KMT2C: variants seen among roughly 807,000 people sequenced by gnomAD.
KMT2C encodes the protein histone-lysine N-methyltransferase 2C.
A neutral mutation model predicts 507.9 loss-of-function variants in KMT2C; 88 were observed. The ratio of observed to expected loss-of-function variants is 0.17; its 90% CI spans 0.15 to 0.21. The LOEUF is 0.21. KMT2C is among the 10% of genes least tolerant of loss of function. The pLI is 1.00. For missense variants in KMT2C, 4,954 were observed against 5,957.8 expected (o/e 0.83, Z 5.55); for synonymous variants, 2,049 against 2,080.8 (o/e 0.98, Z 0.42).
chr7:152,316,338 C>T (rs1224328962), intron 3 of KMT2C, among the ~76,000 whole-genome samples: 1 of 152,058 alleles, frequency 6.6e-6, no homozygotes, highest in African/African-American at 2.4e-5. Context: ...ATGAGGGAAA[C>T]TGCTGGGGGT....
intron 1 of KMT2C, among the ~76,000 whole-genome samples, chr7:152,416,892 T>C (rs953328770): frequency 7.0e-6 from 1 of 142,806 alleles, no homozygotes; most frequent in Non-Finnish European, 1.5e-5. Context: ...TCTACTAAAA[T>C]CAAAAAATTA....
At chr7:152,320,342 G>C (rs2096762122) in intron 3 of KMT2C, among the ~76,000 whole-genome samples, 1 of 152,084 alleles carries the variant, frequency 6.6e-6, no homozygotes, top group African/African-American at 2.4e-5. Flanking sequence ...TCCACCTCCT[G>C]GGTTCAAGCA....
intron 1 of KMT2C, among the ~76,000 whole-genome samples, chr7:152,393,017 A>G (rs1282641583): frequency 1.3e-5 from 2 of 152,108 alleles, no homozygotes; most frequent in Admixed American, 1.3e-4. Context: ...GGATTACTTG[A>G]GCCAGGGAGG....
chr7:152,193,118 G>C (rs986830148), intron 31 of KMT2C, among the ~76,000 whole-genome samples: 1 of 152,192 alleles, frequency 6.6e-6, no homozygotes, highest in Non-Finnish European at 1.5e-5. Context: ...CGCAGCTGAC[G>C]TGAGTTGTGT....
chr7:152,418,479 G>A (rs561020599), intron 1 of KMT2C, among the ~76,000 whole-genome samples: 5 of 152,202 alleles, frequency 3.3e-5, no homozygotes, highest in Admixed American at 1.3e-4. Context: ...CGCCCAGGCT[G>A]GAGTGCAATG....
intron 1 of KMT2C, among the ~76,000 whole-genome samples, chr7:152,421,902 G>GA (rs1202950201): frequency 3.3e-5 from 5 of 150,902 alleles, no homozygotes; most frequent in East Asian, 1.9e-4. Flanking sequence ...AAGCTGGAAG[G>GA]AAAAAAAACA....
chr7:152,239,351 T>C (rs2095341912), intron 14 of KMT2C, among the ~76,000 whole-genome samples: 1 of 152,148 alleles, frequency 6.6e-6, no homozygotes, highest in East Asian at 1.9e-4. Flanking sequence ...CGTTAAACTG[T>C]AGAGAGCTGG....
At chr7:152,293,279 G>A (rs1007969570) in intron 6 of KMT2C, among the ~76,000 whole-genome samples, 1 of 151,984 alleles carries the variant, frequency 6.6e-6, no homozygotes, top group Non-Finnish European at 1.5e-5. Context: ...AATGATACTG[G>A]ACCCCTTATA....
intron 23 of KMT2C, among the ~76,000 whole-genome samples, chr7:152,219,538 G>A (rs2129145010): frequency 6.6e-6 from 1 of 151,406 alleles, no homozygotes; most frequent in South Asian, 2.1e-4. Flanking sequence ...TTGAGCCCAG[G>A]AGTTGGAAAC....
rs2097528438 is a variant in KMT2C at position 152,395,039 on chromosome 7, A to ATAT, written c.162-36365_162-36364insATA. Among the ~76,000 whole-genome samples the ATAT allele has an allele frequency of 2.0e-5, 3 of 152,220 alleles. No individual in the cohort carries two copies. The South Asian group carries it at 6.2e-4, about 31-fold the overall frequency. On this transcript the variant is annotated intron_variant, in intron 1 of 58. Coordinates refer to ENST00000262189, the MANE Select transcript of KMT2C (RefSeq NM_170606.3). ...TAGGCAGTTTGCAAAAAAAAGTGAC[A>ATAT]AATATAATCAATTTAACTCAATCGT...
intron 7 of KMT2C, among the ~76,000 whole-genome samples, chr7:152,269,354 A>G (rs2095915696): frequency 6.6e-6 from 1 of 152,316 alleles, no homozygotes; most frequent in South Asian, 2.1e-4. Flanking sequence ...AGCACTACAC[A>G]AAGAAATGAG....
At chr7:152,262,886 T>C in intron 9 of KMT2C, 130 bp downstream of exon 9, 1 of 636,762 alleles carries the variant, frequency 1.6e-6, no homozygotes, top group Non-Finnish European at 2.7e-6. Flanking sequence ...ATATGTCAGT[T>C]ATATGTCAAT....
intron 14 of KMT2C, among the ~76,000 whole-genome samples, chr7:152,242,277 CTTT>C (rs2095401261): frequency 6.6e-6 from 1 of 152,058 alleles, no homozygotes; most frequent in Admixed American, 6.6e-5. Context: ...CATCTATTAT[CTTT>C]TTTTGCATAT....
chr7:152,162,051 C>G (rs1364852433), intron 43 of KMT2C, 66 bp downstream of exon 43: 1 of 1,447,346 alleles, frequency 6.9e-7, no homozygotes, highest in African/African-American at 1.4e-5. Context: ...GTTGCTGGTA[C>G]TAATCTGCTG....
At chr7:152,430,455 TCA>T (rs896287316) in intron 1 of KMT2C, among the ~76,000 whole-genome samples, 1 of 151,858 alleles carries the variant, frequency 6.6e-6, no homozygotes, top group Admixed American at 6.6e-5. Context: ...CCCAAACATC[TCA>T]CAGATTAAAA....
At chr7:152,288,653 T>C (rs28714519) in intron 6 of KMT2C, among the ~76,000 whole-genome samples, 3,051 of 152,224 alleles carry the variant, frequency 0.02, 98 homozygotes, top group African/African-American at 0.071. Flanking sequence ...ATGACGCAGC[T>C]GAACAATTAT....
At chr7:152,292,973 A>T (rs934540828) in intron 6 of KMT2C, among the ~76,000 whole-genome samples, 1 of 152,166 alleles carries the variant, frequency 6.6e-6, no homozygotes, top group African/African-American at 2.4e-5. Context: ...CATTTTATAC[A>T]GCTTTTCTAA....
intron 3 of KMT2C, among the ~76,000 whole-genome samples, chr7:152,322,899 C>G (rs918913531): frequency 6.6e-6 from 1 of 151,940 alleles, no homozygotes; most frequent in Non-Finnish European, 1.5e-5. Flanking sequence ...AAATGGCCAA[C>G]AGGTACATGA....
Position 152,177,469 on chromosome 7 carries a change from A to G in KMT2C, c.7984T>C (p.Leu2662=), listed in dbSNP as rs1479749258. 1.2e-6 allele frequency: 2 copies of G among 1,614,068 alleles called. No individual in the cohort carries two copies. Among genetic ancestry groups the G allele is most frequent in the African/African-American group, 2.7e-5 (2 of 74,926 alleles). The change falls in exon 38 of 59, where the codon TTG becomes CTG. Residue 2662 remains leucine, a synonymous_variant. Transcript: ENST00000262189. ...PLGGEFSEAP[L]STSVPSETTS... Reference sequence around the variant, plus strand: ...GTTTCAGACGGTACAGATGTTGACAAAGGAGCTTCTGAAAATTCACCACCT... The same window carrying G: ...GTTTCAGACGGTACAGATGTTGACAGAGGAGCTTCTGAAAATTCACCACCT...
Sources: gnomAD v4.1 joint callset for allele counts (sites outside exome capture counted in the v4.1 genomes callset) on GRCh38, gnomAD v4.1.1 for gene constraint, MANE v1.5 for transcripts, NCBI Gene and HGNC (gene_info 2026-07-23, HGNC 2026-07-21) for gene names.